MTUS2: variants seen among roughly 807,000 people sequenced by gnomAD.
The protein encoded by MTUS2 is microtubule associated scaffold protein 2, also known as microtubule-associated tumor suppressor candidate 2.
A neutral mutation model predicts 114.1 loss-of-function variants in MTUS2; 40 were observed. That is an observed-to-expected ratio of 0.35 (90% confidence interval 0.27 to 0.46). MTUS2 has a LOEUF of 0.46. Among genes scored for constraint, MTUS2 ranks in the 20% least tolerant of loss-of-function variants. MTUS2 has a pLI of 1.00. For synonymous variants in MTUS2, 688 were observed against 672.0 expected, an observed-to-expected ratio of 1.02 and a Z score of -0.37; for missense variants, 1,679 against 1,705.4, an observed-to-expected ratio of 0.98 and a Z score of 0.27.
At chr13:29,439,326 C>T (rs1877655991) in intron 8 of MTUS2, among the ~76,000 whole-genome samples, 1 of 152,154 alleles carries the variant, frequency 6.6e-6, no homozygotes, top group Non-Finnish European at 1.5e-5. Context: ...GATTTGAAAA[C>T]AACTTAGCAG....
chr13:29,136,930 T>C (rs1892003478), intron 5 of MTUS2, among the ~76,000 whole-genome samples: 1 of 152,186 alleles, frequency 6.6e-6, no homozygotes, highest in Non-Finnish European at 1.5e-5. Flanking sequence ...TGGGATGTGA[T>C]GCTATTTCCA....
chr13:29,246,435 T>G (rs2139414843), intron 5 of MTUS2, among the ~76,000 whole-genome samples: 1 of 152,302 alleles, frequency 6.6e-6, no homozygotes, highest in Non-Finnish European at 1.5e-5. Flanking sequence ...AACACAGAAC[T>G]CAGAGACCAG....
In MTUS2 at chr13:29,431,844, T is replaced by TTTTTG. The variant is rs545255387; in HGVS notation, c.3118-8125_3118-8121dup. On this transcript the variant is annotated intron_variant, in intron 8 of 15. Coordinates refer to ENST00000612955, the MANE Select transcript of MTUS2 (RefSeq NM_001033602.4). ...CCAGGTTTTTTGTTGGTTGATTTGT[T>TTTTTG]TTTTGTTTTGTTTTGTTTGAGATAG... Among the ~76,000 whole-genome samples, 46 of 151,896 alleles carry TTTTTG rather than the reference T, an allele frequency of 3.0e-4. No homozygotes were observed. The South Asian group carries it at 9.2e-3, about 30-fold the overall frequency.
chr13:29,312,116 A>G (rs1271367536), intron 6 of MTUS2, among the ~76,000 whole-genome samples: 2 of 152,158 alleles, frequency 1.3e-5, no homozygotes, highest in African/African-American at 4.8e-5. Flanking sequence ...TTCATGTCTC[A>G]GCTCAAACAT....
chr13:29,212,840 A>G (rs6490370), intron 5 of MTUS2, among the ~76,000 whole-genome samples: 127,879 of 149,740 alleles, frequency 0.85, 53,723 homozygotes, highest in African/African-American at 0.92. Flanking sequence ...ATACTTTAGG[A>G]ATTTTTATAA....
rs1883109390 is a variant in MTUS2 at position 29,504,507 on chromosome 13, T to G, written c.*1301T>G. The G allele has an allele frequency of 4.3e-6, 1 of 231,488 alleles. No homozygotes were observed. Among genetic ancestry groups the G allele is most frequent in the Non-Finnish European group, 8.5e-6 (1 of 117,696 alleles). 14.3% of individuals were successfully genotyped at this position (231,488 alleles called of 1,614,324 possible). On this transcript the variant is annotated 3_prime_UTR_variant, in exon 16 of 16. Transcript: ENST00000612955. ...CTGCTGGATGATCAGGCAACGCTGC[T>G]GCTGACCGTGCTCCCATCTTAGACC...
intron 5 of MTUS2, among the ~76,000 whole-genome samples, chr13:29,144,119 A>G (rs1892334820): frequency 6.6e-6 from 1 of 152,218 alleles, no homozygotes. Context: ...CTAGCTGACA[A>G]TCCAGAAAGA....
intron 2 of MTUS2, among the ~76,000 whole-genome samples, chr13:28,857,160 A>G (rs1458141274): frequency 1.3e-5 from 2 of 152,234 alleles, no homozygotes; most frequent in East Asian, 3.8e-4. Context: ...TACTGTTTCA[A>G]AGAGCCATCT....
chr13:29,189,427 T>A (rs958360984), intron 5 of MTUS2, among the ~76,000 whole-genome samples: 1 of 152,144 alleles, frequency 6.6e-6, no homozygotes, highest in Non-Finnish European at 1.5e-5. Flanking sequence ...CTTCGTGTTA[T>A]CCTCACAGTA....
At chr13:29,299,964 G>C (rs1047238719) in intron 6 of MTUS2, among the ~76,000 whole-genome samples, 3 of 151,858 alleles carry the variant, frequency 2.0e-5, no homozygotes, top group African/African-American at 7.3e-5. Flanking sequence ...AATTTTGGAG[G>C]GGGGGGCACT....
At position 29,505,073 on chromosome 13, in the gene MTUS2, A is replaced by AT. The variant is rs955064964; in HGVS notation, c.*1870dup. On this transcript the variant is annotated 3_prime_UTR_variant, in exon 16 of 16. Transcript: ENST00000612955. ...AGTAAATCCACATGGAAACACCACC[A>AT]TTTCTCTTTGCTTTAGTGGCTCTGC... 20 of 231,980 alleles carry AT rather than the reference A, an allele frequency of 8.6e-5. No individual in the cohort carries two copies. Among genetic ancestry groups the AT allele is most frequent in the African/African-American group, 4.2e-4 (19 of 45,308 alleles). 14.4% of individuals were successfully genotyped at this position (231,980 alleles called of 1,614,324 possible). A position where few individuals can be genotyped will look rare whatever the true frequency, so the allele number is the denominator to read the frequency against.
At position 29,390,846 on chromosome 13, in the gene MTUS2, G is replaced by A. The variant is rs185953861; in HGVS notation, c.3117+31373G>A. 1.3e-3 allele frequency among the ~76,000 whole-genome samples: 197 copies of A among 151,548 alleles called. 1 individual carries two copies. The highest frequency in any genetic ancestry group is 6.3e-3 in the Admixed American group (96 of 15,222). ...CACCCAGGCTGGAGTGCAGTGGCAC[G>A]ACCTTGGCTCACTGCAACCTCTGCC... On this transcript the variant is annotated intron_variant, in intron 8 of 15. Coordinates refer to ENST00000612955, the MANE Select transcript of MTUS2 (RefSeq NM_001033602.4).
intron 8 of MTUS2, among the ~76,000 whole-genome samples, chr13:29,430,554 T>C (rs1158440441): frequency 6.6e-6 from 1 of 152,236 alleles, no homozygotes; most frequent in Non-Finnish European, 1.5e-5. Context: ...AGCTTTTTCA[T>C]TATGTTCACA....
chr13:29,167,396 C>A (rs1239374802), intron 5 of MTUS2, among the ~76,000 whole-genome samples: 1 of 143,422 alleles, frequency 7.0e-6, no homozygotes, highest in Non-Finnish European at 1.5e-5. Flanking sequence ...AGAAGGATTT[C>A]TAATAATGTA....
chr13:29,103,431 C>G (rs1420323642), intron 5 of MTUS2, among the ~76,000 whole-genome samples: 1 of 152,108 alleles, frequency 6.6e-6, no homozygotes, highest in Non-Finnish European at 1.5e-5. Flanking sequence ...GTATATGTAA[C>G]AATATCTAAA....
chr13:28,948,572 T>C (rs1882652119), intron 2 of MTUS2, among the ~76,000 whole-genome samples: 1 of 152,092 alleles, frequency 6.6e-6, no homozygotes, highest in Non-Finnish European at 1.5e-5. Context: ...ATTTCTAAGA[T>C]TTTTCCCCCT....
intron 5 of MTUS2, among the ~76,000 whole-genome samples, chr13:29,198,021 C>T (rs550365123): frequency 6.6e-6 from 1 of 152,284 alleles, no homozygotes; most frequent in African/African-American, 2.4e-5. Flanking sequence ...CTATAGGTTG[C>T]CTGTTCACTT....
At chr13:28,820,663 C>T (rs1378559598) in intron 1 of MTUS2, 52 bp downstream of exon 1, 1 of 152,166 alleles carries the variant, frequency 6.6e-6, no homozygotes, top group East Asian at 1.9e-4. Context: ...GCTCTGCTGC[C>T]GCCCTCTGGA....
At chr13:28,905,260 T>A (rs1455543925) in intron 2 of MTUS2, among the ~76,000 whole-genome samples, 1 of 151,584 alleles carries the variant, frequency 6.6e-6, no homozygotes, top group African/African-American at 2.4e-5. Flanking sequence ...TTCTCCTGCC[T>A]GATTGCCCTG....
Sources: gnomAD v4.1 joint callset for allele counts (sites outside exome capture counted in the v4.1 genomes callset) on GRCh38, gnomAD v4.1.1 for gene constraint, MANE v1.5 for transcripts, NCBI Gene and HGNC (gene_info 2026-07-23, HGNC 2026-07-21) for gene names.